Variants in SLC25A48 observed in about 807,000 individuals in gnomAD.
SLC25A48 encodes the protein CTC-321K16.1.
A neutral mutation model predicts 32.2 loss-of-function variants in SLC25A48; 29 were observed. The observed-to-expected ratio is 0.90, with a 90% confidence interval of 0.67 to 1.23. The LOEUF (loss-of-function observed/expected upper bound fraction) is 1.23. Ranked by LOEUF, SLC25A48 falls within the 50% of genes most tolerant of loss-of-function variation. The pLI is 0.00. For missense variants in SLC25A48, 399 were observed against 422.7 expected, an observed-to-expected ratio of 0.94 and a Z score of 0.49; for synonymous variants, 164 against 172.3, an observed-to-expected ratio of 0.95 and a Z score of 0.38.
intron 1 of SLC25A48, among the ~76,000 whole-genome samples, chr5:135,839,002 T>C (rs1758773096): frequency 6.6e-6 from 1 of 152,218 alleles, no homozygotes; most frequent in African/African-American, 2.4e-5. Context: ...TAGATCCACT[T>C]ACAGCTTGCA....
At chr5:135,779,215 G>A (rs934441511) in intron 3 of SLC25A48, among the ~76,000 whole-genome samples, 1 of 151,706 alleles carries the variant, frequency 6.6e-6, no homozygotes, top group African/African-American at 2.4e-5. Context: ...ATTGCATGGG[G>A]TGTGCACACC....
rs934816601 is a variant in SLC25A48 at position 135,839,098 on chromosome 5, C to A, written c.47-3318C>A. On this transcript the variant is annotated intron_variant, in intron 1 of 7. Coordinates refer to ENST00000681962, the MANE Select transcript of SLC25A48 (RefSeq NM_001349336.2). The stretch of plus-strand genomic sequence containing the variant: ...ATAAAATTATTTTTTAAAAAAGAAA[C>A]CCCATTTCCTTTCTCCCTCAGTTTC... Among the ~76,000 whole-genome samples the A allele has an allele frequency of 3.3e-5, 5 of 152,318 alleles. No homozygotes were observed. The Middle Eastern group carries it at 0.01, about 311-fold the overall frequency.
chr5:135,653,353 C>T (rs73283270), intron 3 of SLC25A48, among the ~76,000 whole-genome samples: 4,895 of 152,152 alleles, frequency 0.032, 104 homozygotes, highest in African/African-American at 0.049. Context: ...TTTCTGGAAC[C>T]GAGGAGATTC....
At chr5:135,615,343 G>C (rs1319545432) in intron 1 of SLC25A48, among the ~76,000 whole-genome samples, 6 of 152,202 alleles carry the variant, frequency 3.9e-5, no homozygotes, top group South Asian at 4.1e-4. Context: ...TTAGGTCTCA[G>C]ATACAGGTGA....
In SLC25A48 at chr5:135,706,475, A is replaced by G. The variant is rs532546965; in HGVS notation, c.-521+71519A>G. Among the ~76,000 whole-genome samples, 3 of 152,284 alleles carry G rather than the reference A, an allele frequency of 2.0e-5. No individual in the cohort carries two copies. The South Asian group carries it at 6.2e-4, about 32-fold the overall frequency. ...ACCCACCTCAAAGGATTGATGGGAT[A>G]AGATGCACTTAGTACAGGGTCTAAC... is the stretch of plus-strand genomic sequence containing the variant. On this transcript the variant is annotated intron_variant, in intron 3 of 10. Coordinates refer to the SLC25A48 transcript ENST00000646290.
chr5:135,690,956 T>A (rs568954094), intron 3 of SLC25A48, among the ~76,000 whole-genome samples: 5 of 151,620 alleles, frequency 3.3e-5, no homozygotes, highest in African/African-American at 1.2e-4. Context: ...TTTTTTTTTT[T>A]AATAAAAATC....
intron 1 of SLC25A48, among the ~76,000 whole-genome samples, chr5:135,628,991 C>T (rs1472905880): frequency 1.6e-4 from 25 of 152,228 alleles, no homozygotes; most frequent in Non-Finnish European, 2.9e-5. Flanking sequence ...GGCCAGGAAG[C>T]TGCAGCTGGT....
intron 3 of SLC25A48, among the ~76,000 whole-genome samples, chr5:135,707,020 G>A (rs186438183): frequency 4.5e-4 from 68 of 152,336 alleles, no homozygotes; most frequent in African/African-American, 1.6e-3. Context: ...GGTGTGCAGT[G>A]AGTGGATGAG....
intron 3 of SLC25A48, among the ~76,000 whole-genome samples, chr5:135,786,371 G>C (rs936800250): frequency 6.6e-6 from 1 of 152,030 alleles, no homozygotes; most frequent in African/African-American, 2.4e-5. Flanking sequence ...CAGTATCTTT[G>C]AAAAATGTTA....
intron 3 of SLC25A48, among the ~76,000 whole-genome samples, chr5:135,691,670 G>T (rs964291218): frequency 6.6e-6 from 1 of 152,190 alleles, no homozygotes; most frequent in Non-Finnish European, 1.5e-5. Context: ...CTTTTTGCAA[G>T]ATTCCTTATT....
chr5:135,774,191 A>G (rs929404151), intron 3 of SLC25A48, among the ~76,000 whole-genome samples: 1 of 151,852 alleles, frequency 6.6e-6, no homozygotes, highest in Non-Finnish European at 1.5e-5. Context: ...TACTCCAAAT[A>G]TCGCAGGGGC....
rs1302556521 is a variant in SLC25A48 at position 135,693,710 on chromosome 5, G to A, written c.-521+58754G>A. Among the ~76,000 whole-genome samples, 2 of 152,232 alleles carry A rather than the reference G, an allele frequency of 1.3e-5. 1 individual carries two copies. The highest frequency in any genetic ancestry group is 6.3e-3 in the Middle Eastern group (2 of 316). Reference sequence around the variant, plus strand: ...ATTGACACCAGAGTGAAACATAGCTGCCCTCCTGGCTTTGCAGCAACCTGT... The same window carrying A: ...ATTGACACCAGAGTGAAACATAGCTACCCTCCTGGCTTTGCAGCAACCTGT... On this transcript the variant is annotated intron_variant, in intron 3 of 10. Transcript: ENST00000646290.
chr5:135,656,260 T>C (rs1017671557), intron 3 of SLC25A48, among the ~76,000 whole-genome samples: 4 of 151,226 alleles, frequency 2.6e-5, no homozygotes, highest in East Asian at 1.9e-4. Flanking sequence ...CAGGACCACA[T>C]TGGCCAGCAC....
In SLC25A48 at chr5:135,764,739, G is replaced by T. The variant is rs542067194; in HGVS notation, c.-520-47784G>T. Among the ~76,000 whole-genome samples the T allele has an allele frequency of 3.3e-5, 5 of 149,584 alleles. 1 individual carries two copies. Among genetic ancestry groups the T allele is most frequent in the African/African-American group, 1.2e-4 (5 of 40,522 alleles). On this transcript the variant is annotated intron_variant, in intron 3 of 10. Coordinates refer to the SLC25A48 transcript ENST00000646290. Reference sequence around the variant, plus strand: ...AGAGTGATTTTTGTCTCCATATCACGGGGGGTGCACACCCCACCTGTGATA... The same window carrying T: ...AGAGTGATTTTTGTCTCCATATCACTGGGGGTGCACACCCCACCTGTGATA...
intron 3 of SLC25A48, among the ~76,000 whole-genome samples, chr5:135,755,064 T>G (rs987079828): frequency 6.6e-6 from 1 of 152,036 alleles, no homozygotes; most frequent in Non-Finnish European, 1.5e-5. Context: ...AAGGAAATAT[T>G]GCAGTGATAT....
chr5:135,849,801 TGC>T (rs1479764329), intron 2 of SLC25A48, among the ~76,000 whole-genome samples: 4 of 152,092 alleles, frequency 2.6e-5, no homozygotes, highest in African/African-American at 9.7e-5. Flanking sequence ...TCTGGGAACA[TGC>T]AACTCATGCA....
chr5:135,851,046 C>G (rs548296242), intron 3 of SLC25A48, among the ~76,000 whole-genome samples: 105 of 152,292 alleles, frequency 6.9e-4, no homozygotes, highest in African/African-American at 2.5e-3. Flanking sequence ...TGAGGCCCCT[C>G]TTTGTGGAAT....
At chr5:135,581,687 C>T (rs945604909) in intron 1 of SLC25A48, among the ~76,000 whole-genome samples, 5 of 152,208 alleles carry the variant, frequency 3.3e-5, no homozygotes, top group Non-Finnish European at 7.3e-5. Flanking sequence ...AGAGGTCAGA[C>T]GTCCCAGTGT....
chr5:135,831,304 T>C (rs1215200456), upstream of SLC25A48, among the ~76,000 whole-genome samples: 12 of 152,240 alleles, frequency 7.9e-5, no homozygotes, highest in East Asian at 5.8e-4. Context: ...CTTTTCCCCA[T>C]GTCTCCTCAT....
Sources: allele counts gnomAD v4.1 joint callset (sites outside exome capture counted in the v4.1 genomes callset), GRCh38; gene constraint gnomAD v4.1.1; transcripts MANE v1.5; gene names NCBI Gene and HGNC (gene_info 2026-07-23, HGNC 2026-07-21).